FSTL5: variants seen among roughly 807,000 people sequenced by gnomAD.
FSTL5 encodes the protein follistatin-related protein 5.
A neutral mutation model predicts 89.1 loss-of-function variants in FSTL5; 62 were observed. That is an observed-to-expected ratio of 0.70 (90% CI 0.57 to 0.86). The LOEUF (loss-of-function observed/expected upper bound fraction) is 0.86. FSTL5 is among the 40% of genes least tolerant of loss of function. The pLI is 0.00. For missense variants in FSTL5, 1,057 were observed against 1,001.6 expected (o/e 1.06, Z -0.75); for synonymous variants, 383 against 346.2 (o/e 1.11, Z -1.18).
intron 3 of FSTL5, 131 bp from the exon 4 acceptor site, chr4:161,920,783 A>G (rs888942367): frequency 1.3e-6 from 1 of 773,764 alleles, no homozygotes; most frequent in African/African-American, 1.8e-5. Context: ...CTCAATTTTC[A>G]GTGGTGGACA....
chr4:161,419,413 A>AG (rs1731906447), intron 15 of FSTL5, among the ~76,000 whole-genome samples: 1 of 152,212 alleles, frequency 6.6e-6, no homozygotes, highest in Admixed American at 6.5e-5. Flanking sequence ...AAGCAGGCAA[A>AG]GCACCAGCCA....
intron 4 of FSTL5, among the ~76,000 whole-genome samples, chr4:161,866,130 G>T (rs2126895277): frequency 6.6e-6 from 1 of 152,274 alleles, no homozygotes; most frequent in East Asian, 1.9e-4. Flanking sequence ...TCTCCAGAAT[G>T]ATGGTTCCCT....
intron 4 of FSTL5, among the ~76,000 whole-genome samples, chr4:161,853,905 T>C (rs1731639256): frequency 1.3e-5 from 2 of 152,292 alleles, no homozygotes; most frequent in South Asian, 2.1e-4. Context: ...AAATTAGATA[T>C]GGCTTTTAGA....
intron 6 of FSTL5, among the ~76,000 whole-genome samples, chr4:161,725,142 G>A (rs937096941): frequency 1.3e-5 from 2 of 152,094 alleles, no homozygotes; most frequent in African/African-American, 4.8e-5. Flanking sequence ...GTTGCAGTGA[G>A]CCCAGATCAC....
At chr4:162,028,301 G>T (rs1737378711) in intron 3 of FSTL5, among the ~76,000 whole-genome samples, 1 of 152,174 alleles carries the variant, frequency 6.6e-6, no homozygotes. Flanking sequence ...TATTGGCCAG[G>T]TGAGGTGGCT....
At position 161,556,739 on chromosome 4, in the gene FSTL5, C is replaced by CA. The variant is rs548426652; in HGVS notation, c.1016-14047dup. On this transcript the variant is annotated intron_variant, in intron 8 of 15. Transcript: ENST00000306100. Reference sequence around the variant, plus strand: ...TTGCAAACTAATATATGTAAAAAAGCAAAAAAAACCCACTAAGATTTAGCG... The same window carrying CA: ...TTGCAAACTAATATATGTAAAAAAGCAAAAAAAAACCCACTAAGATTTAGCG... Among the ~76,000 whole-genome samples the CA allele has an allele frequency of 3.4e-3, 495 of 144,902 alleles. 3 individuals carry two copies. The highest frequency in any genetic ancestry group is 5.4e-3 in the Non-Finnish European group (357 of 65,738).
chr4:161,772,042 G>T (rs1560836473), intron 5 of FSTL5, among the ~76,000 whole-genome samples: 1 of 152,064 alleles, frequency 6.6e-6, no homozygotes, highest in South Asian at 2.1e-4. Context: ...ATTCTAAAGA[G>T]CCTACCTTCT....
chr4:161,575,749 G>T (rs1259870693), intron 8 of FSTL5, among the ~76,000 whole-genome samples: 1 of 152,116 alleles, frequency 6.6e-6, no homozygotes, highest in East Asian at 1.9e-4. Flanking sequence ...CACCGTGCAC[G>T]GCCGCCTAGG....
intron 13 of FSTL5, among the ~76,000 whole-genome samples, chr4:161,462,729 A>G (rs1733623914): frequency 6.6e-6 from 1 of 152,144 alleles, no homozygotes; most frequent in Non-Finnish European, 1.5e-5. Context: ...TACTACTACC[A>G]TTAGAAACAG....
At chr4:161,412,160 A>G (rs1731614912) in intron 15 of FSTL5, among the ~76,000 whole-genome samples, 1 of 152,156 alleles carries the variant, frequency 6.6e-6, no homozygotes, top group African/African-American at 2.4e-5. Context: ...TACAAAGAGA[A>G]CTAGAAGACT....
intron 3 of FSTL5, among the ~76,000 whole-genome samples, chr4:161,977,982 A>C (rs538348155): frequency 3.9e-5 from 6 of 152,316 alleles, no homozygotes; most frequent in African/African-American, 1.4e-4. Context: ...GTGATGCAAA[A>C]TCCATTTCTT....
intron 6 of FSTL5, among the ~76,000 whole-genome samples, chr4:161,747,984 A>G (rs1740260501): frequency 6.6e-6 from 1 of 152,188 alleles, no homozygotes. Flanking sequence ...TGCTAACACT[A>G]TATGGATAGA....
At chr4:161,509,414 G>A (rs1648913553) in intron 11 of FSTL5, among the ~76,000 whole-genome samples, 1 of 152,110 alleles carries the variant, frequency 6.6e-6, no homozygotes, top group Non-Finnish European at 1.5e-5. Context: ...TAAAAATAGA[G>A]GGTATAGTTA....
At chr4:161,423,667 G>A (rs1272488855) in intron 15 of FSTL5, among the ~76,000 whole-genome samples, 4 of 151,956 alleles carry the variant, frequency 2.6e-5, no homozygotes, top group South Asian at 2.1e-4. Flanking sequence ...GTGAAATAAA[G>A]CACTGTGCAT....
chr4:162,067,437 A>G (rs1738957356), intron 2 of FSTL5, among the ~76,000 whole-genome samples: 3 of 152,020 alleles, frequency 2.0e-5, no homozygotes, highest in African/African-American at 7.2e-5. Context: ...TTATGCTGCA[A>G]TAAACACTTG....
chr4:161,717,865 CA>C lies in FSTL5; in HGVS notation c.727+41545del, dbSNP rs1260535409. The stretch of plus-strand genomic sequence containing the variant: ...AATATTTACATGTTTAAAGATATAT[CA>C]TTTTTTCCTGTACAATAGGTTATAG... On this transcript the variant is annotated intron_variant, in intron 6 of 15. Coordinates refer to ENST00000306100, the MANE Select transcript of FSTL5 (RefSeq NM_020116.5). 2.6e-5 allele frequency among the ~76,000 whole-genome samples: 4 copies of C among 152,128 alleles called. No homozygotes were observed. The South Asian group carries it at 8.3e-4, about 32-fold the overall frequency.
intron 4 of FSTL5, among the ~76,000 whole-genome samples, chr4:161,812,330 G>T (rs1315928998): frequency 6.6e-6 from 1 of 152,160 alleles, no homozygotes; most frequent in African/African-American, 2.4e-5. Flanking sequence ...CTCATTTTAT[G>T]CGTAGGATCA....
intron 6 of FSTL5, among the ~76,000 whole-genome samples, chr4:161,758,945 A>AT (rs1740680605): frequency 6.6e-6 from 1 of 152,210 alleles, no homozygotes; most frequent in Non-Finnish European, 1.5e-5. Context: ...ACATGTATCA[A>AT]TTTTTCCAAA....
intron 7 of FSTL5, among the ~76,000 whole-genome samples, chr4:161,653,899 G>A (rs1736422141): frequency 6.6e-6 from 1 of 152,072 alleles, no homozygotes; most frequent in Non-Finnish European, 1.5e-5. Context: ...ATAGTTCTAT[G>A]TACACTATAG....
Sources: allele counts gnomAD v4.1 joint callset (sites outside exome capture counted in the v4.1 genomes callset), GRCh38; gene constraint gnomAD v4.1.1; transcripts MANE v1.5; gene names NCBI Gene and HGNC (gene_info 2026-07-23, HGNC 2026-07-21).